Variants in MRTFB observed in about 807,000 individuals in gnomAD.
MRTFB encodes myocardin related transcription factor B.
Under a neutral mutation model 104.2 loss-of-function variants are expected in MRTFB, and 29 were observed. That is an observed-to-expected ratio of 0.28 (90% confidence interval 0.21 to 0.38). MRTFB has a LOEUF of 0.38. Ranked by LOEUF, MRTFB falls within the 10% of genes least tolerant of loss-of-function variation. The probability of loss-of-function intolerance (pLI) is 1.00; values close to 1 mark genes in which losing one functional copy is unlikely to be tolerated. For missense variants in MRTFB, 1,270 were observed against 1,341.6 expected (o/e 0.95, Z 0.83); for synonymous variants, 535 against 519.5 (o/e 1.03, Z -0.41).
intron 2 of MRTFB, among the ~76,000 whole-genome samples, chr16:14,135,901 T>A (rs1488867234): frequency 1.3e-5 from 2 of 152,192 alleles, no homozygotes; most frequent in Non-Finnish European, 1.5e-5. Context: ...AAAAACTCTG[T>A]GCCTGGTGAA....
the MRTFB span, among the ~76,000 whole-genome samples, chr16:14,027,491 T>C: frequency 6.6e-6 from 1 of 152,202 alleles, no homozygotes; most frequent in Non-Finnish European, 1.5e-5. Flanking sequence ...TATGATGAAA[T>C]TTCAGAGTAC....
At chr16:14,077,479 GT>G (rs2034131943) in intron 1 of MRTFB, among the ~76,000 whole-genome samples, 1 of 144,552 alleles carries the variant, frequency 6.9e-6, no homozygotes, top group Non-Finnish European at 1.5e-5. Flanking sequence ...TTTATAAAAT[GT>G]TTTAATATCT....
intron 2 of MRTFB, among the ~76,000 whole-genome samples, chr16:14,115,137 C>CA (rs2036477645): frequency 6.6e-6 from 1 of 152,192 alleles, no homozygotes; most frequent in South Asian, 2.1e-4. Context: ...AGGATGACCT[C>CA]AAGTCCTTTT....
chr16:14,118,074 G>C (rs925051603), intron 2 of MRTFB, among the ~76,000 whole-genome samples: 1 of 150,700 alleles, frequency 6.6e-6, no homozygotes, highest in Non-Finnish European at 1.5e-5. Context: ...ATTGCACATA[G>C]AGTTGATGCT....
At chr16:14,127,917 ATATATATATATATTTTTTTTTTT>A (rs1337144706) in intron 2 of MRTFB, among the ~76,000 whole-genome samples, 8 of 51,104 alleles carry the variant, frequency 1.6e-4, no homozygotes, top group African/African-American at 4.3e-4. Flanking sequence ...ATATATATAT[ATATATATATATATTTTTTTTTTT>A]TTTTTTTTTT....
intron 7 of MRTFB, 82 bp from the exon 8 acceptor site, chr16:14,218,738 G>T: frequency 7.2e-7 from 1 of 1,380,852 alleles, no homozygotes; most frequent in Non-Finnish European, 9.7e-7. Flanking sequence ...ATTTTCATAG[G>T]AAACAATGTT....
intron 3 of MRTFB, among the ~76,000 whole-genome samples, chr16:14,161,982 G>C (rs1027340859): frequency 5.9e-5 from 9 of 151,856 alleles, no homozygotes; most frequent in African/African-American, 2.2e-4. Flanking sequence ...TACACTTCTA[G>C]ATTGATAGTC....
intron 2 of MRTFB, among the ~76,000 whole-genome samples, chr16:14,107,996 C>G (rs1197204449): frequency 6.6e-6 from 1 of 152,190 alleles, no homozygotes; most frequent in Non-Finnish European, 1.5e-5. Flanking sequence ...ATTCCTATCA[C>G]TGCGTCTCTA....
chr16:14,046,852 T>C, the MRTFB span, among the ~76,000 whole-genome samples: 3 of 152,260 alleles, frequency 2.0e-5, no homozygotes, highest in African/African-American at 4.8e-5. Flanking sequence ...AGCAATTCTT[T>C]ATGCAGTGAT....
At chr16:14,135,035 G>T (rs1490043827) in intron 2 of MRTFB, among the ~76,000 whole-genome samples, 3 of 152,128 alleles carry the variant, frequency 2.0e-5, no homozygotes, top group African/African-American at 7.2e-5. Flanking sequence ...TAGGAAACTA[G>T]GTCTCTAAGA....
chr16:14,255,715 G>C (rs1380450385), intron 15 of MRTFB, among the ~76,000 whole-genome samples: 1 of 152,020 alleles, frequency 6.6e-6, no homozygotes, highest in Non-Finnish European at 1.5e-5. Flanking sequence ...GGATCTCTAT[G>C]TTTTATTCAG....
intron 3 of MRTFB, chr16:14,200,307 C>A: frequency 6.2e-7 from 1 of 1,604,960 alleles, no homozygotes; most frequent in Non-Finnish European, 8.5e-7. Context: ...CGGACCCGTA[C>A]GCTGCTGCGC....
intron 2 of MRTFB, among the ~76,000 whole-genome samples, chr16:14,128,672 A>C (rs527322195): frequency 3.9e-5 from 6 of 152,226 alleles, no homozygotes; most frequent in Non-Finnish European, 8.8e-5. Context: ...ATTCTTCCTT[A>C]TAACTGCATA....
At chr16:14,093,279 A>G (rs1014220021) in intron 2 of MRTFB, among the ~76,000 whole-genome samples, 38 of 152,000 alleles carry the variant, frequency 2.5e-4, no homozygotes, top group African/African-American at 8.5e-4. Context: ...CATAAATACA[A>G]TTGTATTACT....
chr16:14,069,824 C>G (rs537494985), upstream of MRTFB, among the ~76,000 whole-genome samples: 23 of 152,248 alleles, frequency 1.5e-4, 1 homozygote, highest in South Asian at 4.6e-3. Context: ...TCTGGAGAAC[C>G]CTAATACAGG....
At chr16:14,011,657 G>A in the MRTFB span, among the ~76,000 whole-genome samples, 6 of 152,178 alleles carry the variant, frequency 3.9e-5, no homozygotes, top group Middle Eastern at 3.4e-3. Context: ...AGGCTGAGGC[G>A]GGCAGATCAC....
the MRTFB span, among the ~76,000 whole-genome samples, chr16:14,053,442 A>T: frequency 1.6e-4 from 25 of 152,210 alleles, no homozygotes; most frequent in East Asian, 3.9e-4. Context: ...ATATTTTTTT[A>T]AAAAATTAGG....
chr16:14,029,589 A>G, the MRTFB span, among the ~76,000 whole-genome samples: 1 of 151,782 alleles, frequency 6.6e-6, no homozygotes. Context: ...GAATCACGCC[A>G]GGTACCCCAG....
In MRTFB at chr16:14,095,944, C is replaced by T. The variant is rs1377772690; in HGVS notation, c.-64+16590C>T. On this transcript the variant is annotated intron_variant, in intron 2 of 16. Transcript: ENST00000571589. ...AGATATAAATTGGGTATGATATGTT[C>T]AGAACATGTGACAGGGAATCATGTC... is the stretch of plus-strand genomic sequence containing the variant. Among the ~76,000 whole-genome samples the T allele has an allele frequency of 2.6e-5, 4 of 152,210 alleles. No homozygotes were observed. The South Asian group carries it at 6.2e-4, about 24-fold the overall frequency.
Sources: allele counts gnomAD v4.1 joint callset (sites outside exome capture counted in the v4.1 genomes callset), GRCh38; gene constraint gnomAD v4.1.1; transcripts MANE v1.5; gene names NCBI Gene and HGNC (gene_info 2026-07-23, HGNC 2026-07-21).